The following TENM3 variants were observed in gnomAD, a reference collection of about 807,000 sequenced individuals.
TENM3 encodes the protein teneurin-3.
TENM3 carries 63 observed loss-of-function variants against 255.1 expected under a neutral mutation model. The ratio of observed to expected loss-of-function variants is 0.25; its 90% CI spans 0.20 to 0.30. The LOEUF (loss-of-function observed/expected upper bound fraction) is 0.30, where lower values mean the gene tolerates loss of function less well. Ranked by LOEUF, TENM3 falls within the 10% of genes least tolerant of loss-of-function variation. The pLI is 1.00. For synonymous variants in TENM3, 1,306 were observed against 1,322.3 expected, an observed-to-expected ratio of 0.99 and a Z score of 0.27; for missense variants, 2,929 against 3,461.1, an observed-to-expected ratio of 0.85 and a Z score of 3.86.
chr4:181,526,243 T>C, the TENM3 span, among the ~76,000 whole-genome samples: 1 of 149,658 alleles, frequency 6.7e-6, no homozygotes, highest in African/African-American at 2.5e-5. Flanking sequence ...TTTTGCTTTA[T>C]AATTTTTAAC....
chr4:181,684,918 C>CTTTT, the TENM3 span, among the ~76,000 whole-genome samples: 2 of 45,046 alleles, frequency 4.4e-5, no homozygotes, highest in African/African-American at 8.5e-5. Flanking sequence ...CCGTGCCTGG[C>CTTTT]TTTTTTTTTT....
chr4:181,556,999 G>C, the TENM3 span, among the ~76,000 whole-genome samples: 1 of 151,938 alleles, frequency 6.6e-6, no homozygotes, highest in Admixed American at 6.6e-5. Context: ...ATTAATGATG[G>C]TTAAGTCAGA....
At chr4:182,545,573 T>C (rs936886517) in intron 3 of TENM3, among the ~76,000 whole-genome samples, 1 of 152,094 alleles carries the variant, frequency 6.6e-6, no homozygotes, top group African/African-American at 2.4e-5. Flanking sequence ...AGTCTCATCT[T>C]GTTCTGCCTT....
At chr4:181,885,143 T>C in the TENM3 span, among the ~76,000 whole-genome samples, 1 of 152,214 alleles carries the variant, frequency 6.6e-6, no homozygotes, top group Non-Finnish European at 1.5e-5. Flanking sequence ...TATTTTCCCC[T>C]TGTTCTGAGC....
the TENM3 span, among the ~76,000 whole-genome samples, chr4:181,452,340 C>T: frequency 6.6e-6 from 1 of 152,132 alleles, no homozygotes; most frequent in African/African-American, 2.4e-5. Flanking sequence ...GCTGTGTCCC[C>T]ACCCAAATTT....
At chr4:182,731,473 G>A (rs895876803) in intron 16 of TENM3, among the ~76,000 whole-genome samples, 1 of 151,976 alleles carries the variant, frequency 6.6e-6, no homozygotes, top group Non-Finnish European at 1.5e-5. Context: ...ACACACTACT[G>A]CACTCCAGCC....
intron 4 of TENM3, among the ~76,000 whole-genome samples, chr4:182,626,706 TA>T (rs1462862399): frequency 6.6e-6 from 1 of 152,234 alleles, no homozygotes; most frequent in African/African-American, 2.4e-5. Flanking sequence ...ATTCAGGCTA[TA>T]AACTTTTAAA....
intron 1 of TENM3, among the ~76,000 whole-genome samples, chr4:182,321,549 C>T (rs911140375): frequency 3.3e-5 from 5 of 152,002 alleles, no homozygotes; most frequent in African/African-American, 1.2e-4. Flanking sequence ...TTGCTTGAAC[C>T]TGGGAGGCAA....
chr4:182,463,708 C>T (rs541880598), intron 3 of TENM3, among the ~76,000 whole-genome samples: 14 of 152,002 alleles, frequency 9.2e-5, no homozygotes, highest in Admixed American at 1.3e-4. Flanking sequence ...ACCGCAACCT[C>T]GGCCTCCTGG....
the TENM3 span, among the ~76,000 whole-genome samples, chr4:181,939,045 G>C: frequency 6.6e-6 from 1 of 151,726 alleles, no homozygotes; most frequent in East Asian, 1.9e-4. Context: ...ATTTTCTAGG[G>C]GTTAATAAGT....
the TENM3 span, among the ~76,000 whole-genome samples, chr4:181,817,920 T>C: frequency 6.6e-6 from 1 of 152,322 alleles, no homozygotes; most frequent in Non-Finnish European, 1.5e-5. Flanking sequence ...AAACTCCCTG[T>C]AGGCAGGGGT....
intron 12 of TENM3, among the ~76,000 whole-genome samples, chr4:182,704,200 G>A (rs369359004): frequency 6.1e-4 from 93 of 152,076 alleles, no homozygotes; most frequent in African/African-American, 2.1e-3. Context: ...TTACTAACAC[G>A]TGTATGTTTA....
chr4:182,035,983 C>T, the TENM3 span, among the ~76,000 whole-genome samples: 47 of 152,218 alleles, frequency 3.1e-4, no homozygotes, highest in South Asian at 6.2e-3. Flanking sequence ...CCTTCTATCA[C>T]GGGGTCTTGT....
At chr4:182,081,463 A>T in the TENM3 span, among the ~76,000 whole-genome samples, 6 of 151,838 alleles carry the variant, frequency 4.0e-5, no homozygotes, top group East Asian at 1.2e-3. Flanking sequence ...ACGTGCCTGT[A>T]GTCCCAGCTA....
chr4:181,639,372 T>A, the TENM3 span, among the ~76,000 whole-genome samples: 2 of 152,158 alleles, frequency 1.3e-5, no homozygotes, highest in Non-Finnish European at 2.9e-5. Context: ...ATTGTGACCA[T>A]CCACATGCAG....
chr4:182,066,059 T>C, the TENM3 span, among the ~76,000 whole-genome samples: 1 of 152,174 alleles, frequency 6.6e-6, no homozygotes, highest in Admixed American at 6.5e-5. Flanking sequence ...ACGTTTAACT[T>C]TTTGATGAAC....
intron 22 of TENM3, among the ~76,000 whole-genome samples, chr4:182,759,715 G>A (rs9312304): frequency 0.34 from 52,286 of 152,048 alleles, 10,122 homozygotes; most frequent in African/African-American, 0.51. Context: ...AAGAATTCTA[G>A]GAGAAGAAAG....
the TENM3 span, among the ~76,000 whole-genome samples, chr4:181,578,302 C>T: frequency 8.5e-5 from 13 of 152,300 alleles, no homozygotes; most frequent in African/African-American, 2.9e-4. Flanking sequence ...ACTGCTTCTC[C>T]CTGGACTCCC....
At chr4:182,125,378 G>C in the TENM3 span, among the ~76,000 whole-genome samples, 2 of 152,226 alleles carry the variant, frequency 1.3e-5, no homozygotes, top group African/African-American at 4.8e-5. Context: ...ATCTGCCAAA[G>C]AGAAACCACA....
Sources: allele counts gnomAD v4.1 joint callset (sites outside exome capture counted in the v4.1 genomes callset), GRCh38; gene constraint gnomAD v4.1.1; transcripts MANE v1.5; gene names NCBI Gene and HGNC (gene_info 2026-07-23, HGNC 2026-07-21).